RIC1: variants seen among roughly 807,000 people sequenced by gnomAD.
RIC1 encodes the protein guanine nucleotide exchange factor subunit RIC1.
Under a neutral mutation model 169.0 loss-of-function variants are expected in RIC1, and 88 were observed. The ratio of observed to expected loss-of-function variants is 0.52; its 90% CI spans 0.44 to 0.62. The LOEUF (loss-of-function observed/expected upper bound fraction) is 0.62. Among genes scored for constraint, RIC1 ranks in the 20% least tolerant of loss-of-function variants. The probability of loss-of-function intolerance (pLI) is 0.00; values close to 1 mark genes in which losing one functional copy is unlikely to be tolerated. For synonymous variants in RIC1, 790 were observed against 601.5 expected (o/e 1.31, Z -4.59); for missense variants, 1,877 against 1,725.5 (o/e 1.09, Z -1.56).
intron 2 of RIC1, among the ~76,000 whole-genome samples, chr9:5,658,302 G>A (rs925566143): frequency 6.6e-6 from 1 of 152,068 alleles, no homozygotes; most frequent in Non-Finnish European, 1.5e-5. Context: ...GACATCACTA[G>A]ACTAAGCACT....
chr9:5,652,691 A>C (rs947215147), intron 1 of RIC1, among the ~76,000 whole-genome samples: 1 of 149,922 alleles, frequency 6.7e-6, no homozygotes, highest in African/African-American at 2.5e-5. Flanking sequence ...GATACTTTTT[A>C]TTCTTTTTTT....
At chr9:5,647,561 A>T (rs946764569) in intron 1 of RIC1, among the ~76,000 whole-genome samples, 2 of 151,794 alleles carry the variant, frequency 1.3e-5, no homozygotes, top group African/African-American at 4.8e-5. Context: ...ATTCTTTTTG[A>T]TGTTACGGTT....
chr9:5,717,862 C>T (rs1823352255), intron 4 of RIC1, among the ~76,000 whole-genome samples: 1 of 149,676 alleles, frequency 6.7e-6, no homozygotes, highest in Non-Finnish European at 1.5e-5. Context: ...AAAGTTCAGC[C>T]AGGCGCAGTG....
At chr9:5,630,724 C>G (rs553051472) in intron 1 of RIC1, among the ~76,000 whole-genome samples, 109 of 152,056 alleles carry the variant, frequency 7.2e-4, no homozygotes, top group African/African-American at 2.5e-3. Flanking sequence ...TTGTCTAGTG[C>G]CTGATTGTAT....
intron 3 of RIC1, among the ~76,000 whole-genome samples, chr9:5,700,166 T>G (rs1822130906): frequency 6.6e-6 from 1 of 152,184 alleles, no homozygotes; most frequent in South Asian, 2.1e-4. Flanking sequence ...GAGCACCTGA[T>G]TAACCAATAC....
At chr9:5,679,818 T>C (rs1256634463) in intron 2 of RIC1, among the ~76,000 whole-genome samples, 1 of 152,188 alleles carries the variant, frequency 6.6e-6, no homozygotes, top group Non-Finnish European at 1.5e-5. Context: ...TTTTCCTAAT[T>C]GAATGCCCTT....
intron 1 of RIC1, among the ~76,000 whole-genome samples, chr9:5,640,792 A>G (rs1236099456): frequency 2.6e-5 from 4 of 151,738 alleles, no homozygotes; most frequent in Admixed American, 2.6e-4. Context: ...GTGTTGATGA[A>G]CTCTCTCAGC....
chr9:5,709,053 A>T (rs1822771509), intron 3 of RIC1, among the ~76,000 whole-genome samples: 1 of 152,150 alleles, frequency 6.6e-6, no homozygotes, highest in Non-Finnish European at 1.5e-5. Context: ...TTTGTACACT[A>T]TATTAGTCAG....
chr9:5,636,253 G>A (rs1458087764), intron 1 of RIC1, among the ~76,000 whole-genome samples: 1 of 152,140 alleles, frequency 6.6e-6, no homozygotes, highest in Non-Finnish European at 1.5e-5. Flanking sequence ...ATGGTGTTTA[G>A]TGGCGGTTAA....
At chr9:5,668,185 G>A (rs766530453) in intron 2 of RIC1, among the ~76,000 whole-genome samples, 6 of 152,058 alleles carry the variant, frequency 3.9e-5, no homozygotes, top group African/African-American at 7.3e-5. Flanking sequence ...CGAGAACACC[G>A]TGAGGGTACC....
At chr9:5,681,127 A>AT (rs1205538777) in intron 2 of RIC1, among the ~76,000 whole-genome samples, 4 of 151,618 alleles carry the variant, frequency 2.6e-5, no homozygotes, top group African/African-American at 4.8e-5. Context: ...CGCCCGGCCG[A>AT]TTTTTTTTAA....
intron 1 of RIC1, among the ~76,000 whole-genome samples, chr9:5,645,115 C>G (rs963135001): frequency 6.6e-6 from 1 of 152,030 alleles, no homozygotes; most frequent in Non-Finnish European, 1.5e-5. Context: ...AAACAGTGAT[C>G]TGATCTTGGG....
rs560447749 is a variant in RIC1, at chr9:5,720,650, G to C, written c.620G>C (p.Arg207Thr). Residue 207 changes from arginine to threonine, a missense_variant, in exon 6 of 26, where the codon AGA becomes ACA. Transcript: ENST00000414202. ...CTGGGCTTCACAGACGTACACATCA[G>C]AGACATGGAATACTGTGCCACACTT... is the stretch of plus-strand genomic sequence containing the variant. ...SFLGFTDVHI[R>T]DMEYCATLDG... The C allele has an allele frequency of 3.7e-6, 6 of 1,610,858 alleles. No homozygotes were observed. The Admixed American group carries it at 6.7e-5, about 18-fold the overall frequency.
chr9:5,635,755 C>T (rs980754549), intron 1 of RIC1, among the ~76,000 whole-genome samples: 17 of 152,164 alleles, frequency 1.1e-4, no homozygotes, highest in African/African-American at 4.1e-4. Flanking sequence ...ATAGTAAGTT[C>T]TCACGAGATC....
At chr9:5,761,858 T>C (rs1049284906) in intron 17 of RIC1, among the ~76,000 whole-genome samples, 12 of 152,218 alleles carry the variant, frequency 7.9e-5, no homozygotes, top group African/African-American at 1.2e-4. Context: ...TGAGGTTTGA[T>C]TGAAATTTTT....
intron 2 of RIC1, among the ~76,000 whole-genome samples, 175 bp from the exon 3 acceptor site, chr9:5,689,784 T>C (rs907598680): frequency 6.6e-6 from 1 of 152,220 alleles, no homozygotes; most frequent in Admixed American, 6.5e-5. Context: ...ACCCTTTTTT[T>C]CAACATGGGT....
chr9:5,712,602 T>G (rs918943105), intron 3 of RIC1, among the ~76,000 whole-genome samples: 3 of 152,238 alleles, frequency 2.0e-5, no homozygotes, highest in Non-Finnish European at 4.4e-5. Context: ...ACCTCTGTGT[T>G]GTTTTCTGTC....
chr9:5,694,860 C>G (rs978035895), intron 3 of RIC1, among the ~76,000 whole-genome samples: 1 of 150,394 alleles, frequency 6.6e-6, no homozygotes, highest in African/African-American at 2.4e-5. Context: ...AAAAACTCTT[C>G]TGAAAATTAT....
chr9:5,664,083 G>T (rs1320361031), intron 2 of RIC1, among the ~76,000 whole-genome samples: 1 of 152,092 alleles, frequency 6.6e-6, no homozygotes, highest in African/African-American at 2.4e-5. Context: ...CGCCAGATAT[G>T]AAATTCTGGG....
Sources: gnomAD v4.1 joint callset for allele counts (sites outside exome capture counted in the v4.1 genomes callset) on GRCh38, gnomAD v4.1.1 for gene constraint, MANE v1.5 for transcripts, NCBI Gene and HGNC (gene_info 2026-07-23, HGNC 2026-07-21) for gene names.